The following RAMP1 variants were observed in gnomAD, a reference collection of about 807,000 sequenced individuals.
The protein encoded by RAMP1 is receptor activity modifying protein 1, also known as receptor activity-modifying protein 1.
Under a neutral mutation model 8.2 loss-of-function variants are expected in RAMP1, and 7 were observed. The ratio of observed to expected loss-of-function variants is 0.85; its 90% CI spans 0.49 to 1.60. The LOEUF is 1.60. RAMP1 is among the 40% of genes most tolerant of loss of function. The pLI, the probability that RAMP1 is intolerant of heterozygous loss-of-function variation, is 0.00. For missense variants in RAMP1, 192 were observed against 202.4 expected (o/e 0.95, Z 0.31); for synonymous variants, 92 against 84.7 (o/e 1.09, Z -0.47).
intron 1 of RAMP1, among the ~76,000 whole-genome samples, chr2:237,867,845 A>G (rs936836352): frequency 9.2e-5 from 14 of 152,138 alleles, no homozygotes; most frequent in Admixed American, 2.6e-4. Flanking sequence ...TTTTCTTCCC[A>G]AGATACAGGT....
chr2:237,871,617 G>A (rs983905756), intron 1 of RAMP1, among the ~76,000 whole-genome samples: 1 of 152,090 alleles, frequency 6.6e-6, no homozygotes. Flanking sequence ...ACTCCCTTGG[G>A]CCCTGGGCAC....
intron 2 of RAMP1, among the ~76,000 whole-genome samples, chr2:237,879,534 C>G (rs1027578382): frequency 8.2e-5 from 12 of 146,750 alleles, no homozygotes; most frequent in African/African-American, 2.8e-4. Context: ...CACATGTGCA[C>G]AACGTGCAGG....
chr2:237,899,205 G>A (rs1295130047), intron 2 of RAMP1, among the ~76,000 whole-genome samples: 1 of 152,038 alleles, frequency 6.6e-6, no homozygotes, highest in Non-Finnish European at 1.5e-5. Context: ...TGAGTAGCTG[G>A]GACTACAGGC....
rs528868495 is a variant in RAMP1 at position 237,910,769 on chromosome 2, TCA to T, written c.192-752_192-751del. Among the ~76,000 whole-genome samples the T allele has an allele frequency of 9.5e-3, 1,406 of 147,524 alleles. 23 individuals are homozygous for T. Among genetic ancestry groups the T allele is most frequent in the African/African-American group, 0.033 (1,308 of 39,860 alleles). The stretch of plus-strand genomic sequence containing the variant: ...ACACAGAAAATAGTCACACACACAG[TCA>T]CACACAAAATAACAGTCACACAATG... On this transcript the variant is annotated intron_variant, in intron 2 of 2. Transcript: ENST00000254661.
intron 2 of RAMP1, among the ~76,000 whole-genome samples, chr2:237,890,275 C>T (rs186509121): frequency 4.6e-4 from 70 of 151,616 alleles, no homozygotes; most frequent in Non-Finnish European, 7.8e-4. Context: ...GATCTTGGCT[C>T]ACTGCAACCT....
At chr2:237,861,641 A>C (rs893211919) in intron 1 of RAMP1, among the ~76,000 whole-genome samples, 1 of 152,108 alleles carries the variant, frequency 6.6e-6, no homozygotes, top group Admixed American at 6.5e-5. Flanking sequence ...TGAGGTGAGG[A>C]ATTCAAGACC....
rs954240011 is a variant in RAMP1 at position 237,878,374 on chromosome 2, G to A, written c.191+1012G>A. On this transcript the variant is annotated intron_variant, in intron 2 of 2. Coordinates refer to ENST00000254661, the MANE Select transcript of RAMP1 (RefSeq NM_005855.4). The surrounding 1 kb of genome is among the most constrained non-coding windows in gnomAD (Gnocchi z 5.7). Reference sequence around the variant, plus strand: ...TCACACACGAAGAGTACCTGTGGCTGTGGTGTCCCCTGAGGGTCCAGACAC... The same window carrying A: ...TCACACACGAAGAGTACCTGTGGCTATGGTGTCCCCTGAGGGTCCAGACAC... Among the ~76,000 whole-genome samples, 3 of 152,370 alleles carry A rather than the reference G, an allele frequency of 2.0e-5. No homozygotes were observed. Among genetic ancestry groups the A allele is most frequent in the South Asian group, 2.1e-4 (1 of 4,830 alleles).
chr2:237,911,088 A>G (rs966106996), intron 2 of RAMP1, among the ~76,000 whole-genome samples: 2 of 150,670 alleles, frequency 1.3e-5, no homozygotes, highest in African/African-American at 5.0e-5. Flanking sequence ...ACAGTTACAC[A>G]TAGTCACACA....
At chr2:237,898,777 T>C (rs1172967242) in intron 2 of RAMP1, among the ~76,000 whole-genome samples, 1 of 152,188 alleles carries the variant, frequency 6.6e-6, no homozygotes, top group African/African-American at 2.4e-5. Context: ...TGAGGCCTCT[T>C]AAAGACAAGC....
At chr2:237,911,479 T>G (rs1226012102) in intron 2 of RAMP1, 49 bp from the exon 3 acceptor site, 2 of 1,600,952 alleles carry the variant, frequency 1.2e-6, no homozygotes, top group Non-Finnish European at 1.7e-6. Flanking sequence ...GGTCCCGCGT[T>G]GGATCCCCCG....
chr2:237,904,572 C>T (rs569764856), intron 2 of RAMP1, among the ~76,000 whole-genome samples: 12 of 152,312 alleles, frequency 7.9e-5, no homozygotes, highest in Non-Finnish European at 1.0e-4. Flanking sequence ...CGTGCCACTG[C>T]ACTCCAGCCC....
chr2:237,867,972 C>T (rs2062206419), intron 1 of RAMP1, among the ~76,000 whole-genome samples: 1 of 151,784 alleles, frequency 6.6e-6, no homozygotes, highest in Admixed American at 6.6e-5. Context: ...GGCCAGGCTC[C>T]TTTTCATGGT....
At position 237,878,419 on chromosome 2, in the gene RAMP1, G is replaced by T. The variant is rs2062332004; in HGVS notation, c.191+1057G>T. 6.6e-6 allele frequency among the ~76,000 whole-genome samples: 1 copy of T among 152,236 alleles called. No homozygotes were observed. The highest frequency in any genetic ancestry group is 1.5e-5 in the Non-Finnish European group (1 of 68,040). On this transcript the variant is annotated intron_variant, in intron 2 of 2. Coordinates refer to ENST00000254661, the MANE Select transcript of RAMP1 (RefSeq NM_005855.4). The surrounding 1 kb of genome is among the most constrained non-coding windows in gnomAD (Gnocchi z 5.7). ...AGACACACCCGGGCACAATTCTGTG[G>T]GGTTGAAGACCCCTAGTTGGACTCG...
intron 2 of RAMP1, among the ~76,000 whole-genome samples, chr2:237,889,040 C>G (rs896708818): frequency 2.0e-5 from 3 of 152,216 alleles, no homozygotes; most frequent in Non-Finnish European, 4.4e-5. Flanking sequence ...CCCAAGATTA[C>G]AGGCATGAGC....
intron 2 of RAMP1, among the ~76,000 whole-genome samples, chr2:237,886,327 G>T (rs568676940): frequency 6.6e-6 from 1 of 152,336 alleles, no homozygotes; most frequent in African/African-American, 2.4e-5. Flanking sequence ...AGGGCTCAGA[G>T]TCCTTGGCAG....
In RAMP1 at chr2:237,865,363, T is replaced by C. The variant is rs954625184; in HGVS notation, c.52+5636T>C. On this transcript the variant is annotated intron_variant, in intron 1 of 2. Coordinates refer to ENST00000254661, the MANE Select transcript of RAMP1 (RefSeq NM_005855.4). This position sits in a 1 kb window ranked among gnomAD's most constrained non-coding sequence, Gnocchi z 4.2. ...GAGGGCAGGGGAGTAGAGAGGAGAG[T>C]GCAGGGGAGGGGAGATGACACCCCA... 6.3e-4 allele frequency among the ~76,000 whole-genome samples: 54 copies of C among 86,326 alleles called. No homozygotes were observed. Among genetic ancestry groups the C allele is most frequent in the African/African-American group, 2.4e-3 (51 of 21,218 alleles). The allele number at this position is 86,326 out of a possible 152,430, so 56.6% of individuals were successfully genotyped here.
intron 2 of RAMP1, among the ~76,000 whole-genome samples, chr2:237,891,255 A>C (rs1013010991): frequency 6.7e-6 from 1 of 150,372 alleles, no homozygotes; most frequent in East Asian, 2.0e-4. Flanking sequence ...GGTTCACGCC[A>C]TTCTTCTGCC....
At chr2:237,860,871 C>T (rs1055236955) in intron 1 of RAMP1, among the ~76,000 whole-genome samples, 10 of 152,150 alleles carry the variant, frequency 6.6e-5, no homozygotes, top group African/African-American at 2.4e-4. Context: ...TATTTGTAAA[C>T]CTCTCCAAGG....
intron 2 of RAMP1, among the ~76,000 whole-genome samples, chr2:237,880,321 G>GACAA (rs2062356034): frequency 6.6e-6 from 1 of 152,194 alleles, no homozygotes; most frequent in African/African-American, 2.4e-5. Flanking sequence ...ACTGGCTTCT[G>GACAA]TGTCCTTTCG....
Sources: gnomAD v4.1 joint callset for allele counts (sites outside exome capture counted in the v4.1 genomes callset) on GRCh38, gnomAD v4.1.1 for gene constraint, Gnocchi (gnomAD v3.1) non-coding constraint, MANE v1.5 for transcripts, NCBI Gene and HGNC (gene_info 2026-07-23, HGNC 2026-07-21) for gene names.